The following ITPKB variants were observed in gnomAD, a reference collection of about 807,000 sequenced individuals.
ITPKB encodes the protein inositol-trisphosphate 3-kinase B.
Under a neutral mutation model 69.4 loss-of-function variants are expected in ITPKB, and 13 were observed. The ratio of observed to expected loss-of-function variants is 0.19; its 90% confidence interval spans 0.12 to 0.30. ITPKB has a LOEUF of 0.30. ITPKB is among the 10% of genes least tolerant of loss of function. ITPKB has a pLI of 1.00. For missense variants in ITPKB, 1,240 were observed against 1,250.5 expected (o/e 0.99, Z 0.13); for synonymous variants, 584 against 513.7 (o/e 1.14, Z -1.85).
Position 226,736,556 on chromosome 1 carries a change from CGTTAAG to C in ITPKB, c.897_902del (p.Ser299_Thr301delinsArg). 6.2e-7 allele frequency: 1 copy of C among 1,613,988 alleles called. No individual in the cohort carries two copies. Among genetic ancestry groups the C allele is most frequent in the Non-Finnish European group, 8.5e-7 (1 of 1,180,022 alleles). ...CTCTCGCTGCCACTTCCGTGGCCATCGTTAAGCTAGCTCCGAACAGCCCCAATGAGG... is the reference window on the plus strand; with the variant it reads ...CTCTCGCTGCCACTTCCGTGGCCATCCTAGCTCCGAACAGCCCCAATGAGG... On this transcript the variant is annotated inframe_deletion, in exon 2 of 8. Transcript: ENST00000429204.
At chr1:226,709,754 C>T (rs1656897191) in intron 2 of ITPKB, among the ~76,000 whole-genome samples, 1 of 152,222 alleles carries the variant, frequency 6.6e-6, no homozygotes. Flanking sequence ...ACCTGACCTG[C>T]AATTAGGTTT....
Position 226,639,618 on chromosome 1 carries a change from T to C in ITPKB, c.2492A>G (p.Lys831Arg). 6.2e-7 allele frequency: 1 copy of C among 1,614,084 alleles called. No homozygotes were observed. The highest frequency in any genetic ancestry group is 2.2e-5 in the East Asian group (1 of 44,874). ...GTVNRDFKKT[K>R]TREQVTEAFR... ...GGCCTCGGTGACCTGCTCCCTCGTT[T>C]TGGTCTTCTTGAAGTCCCGGTTCAC... Residue 831 changes from lysine to arginine, a missense_variant, in exon 6 of 8, where the codon AAA becomes AGA. Physicochemically the swap from Lys to Arg is conservative, Grantham distance 26. Coordinates refer to ENST00000429204, the MANE Select transcript of ITPKB (RefSeq NM_002221.4).
intron 2 of ITPKB, among the ~76,000 whole-genome samples, chr1:226,681,809 C>T (rs1243658277): frequency 1.3e-5 from 2 of 152,148 alleles, no homozygotes; most frequent in African/African-American, 4.8e-5. Flanking sequence ...TCCAACTCTC[C>T]AGATGATACC....
chr1:226,634,522 G>C lies in ITPKB; in HGVS notation c.*149C>G. The C allele has an allele frequency of 1.7e-6, 1 of 600,256 alleles. No individual in the cohort carries two copies. 37.2% of individuals were successfully genotyped at this position (600,256 alleles called of 1,614,324 possible). A position where few individuals can be genotyped will look rare whatever the true frequency, so the allele number is the denominator to read the frequency against. ...AGCCCTGAAGTTAGGAAAATGACTA[G>C]AAACTCTCATCTCCTCTTCTACAAA... On this transcript the variant is annotated 3_prime_UTR_variant, in exon 8 of 8. Transcript: ENST00000429204. This position sits in a 1 kb window ranked among gnomAD's most constrained non-coding sequence, Gnocchi z 6.3.
chr1:226,669,913 G>A (rs1202896262), intron 2 of ITPKB, among the ~76,000 whole-genome samples: 8 of 149,256 alleles, frequency 5.4e-5, no homozygotes, highest in African/African-American at 7.4e-5. Flanking sequence ...TCGAACTGTC[G>A]CCCAGGCTGG....
At chr1:226,707,769 T>C (rs1199455904) in intron 2 of ITPKB, 4 of 1,062,246 alleles carry the variant, frequency 3.8e-6, no homozygotes, top group Non-Finnish European at 4.6e-6. Context: ...GTAGGGAAAC[T>C]GCAGCACTTA....
chr1:226,643,528 C>CA (rs1170479287), intron 4 of ITPKB, among the ~76,000 whole-genome samples: 2 of 152,252 alleles, frequency 1.3e-5, no homozygotes, highest in Non-Finnish European at 2.9e-5. Flanking sequence ...ATCTGTCTCC[C>CA]AGGCCTTGTT....
chr1:226,634,458 T>G lies in ITPKB; in HGVS notation c.*213A>C, dbSNP rs1301874741. The G allele has an allele frequency of 7.0e-6, 4 of 571,344 alleles. No homozygotes were observed. Among genetic ancestry groups the G allele is most frequent in the Non-Finnish European group, 1.3e-5 (4 of 318,846 alleles). The allele number at this position is 571,344 out of a possible 1,614,324, so 35.4% of individuals were successfully genotyped here. On this transcript the variant is annotated 3_prime_UTR_variant, in exon 8 of 8. Transcript: ENST00000429204. This position sits in a 1 kb window ranked among gnomAD's most constrained non-coding sequence, Gnocchi z 6.3. The stretch of plus-strand genomic sequence containing the variant: ...GACTGGGCATTTCTCTTCTAGTAGG[T>G]GACCCTCTCTACAAAAAGCAGTGCA...
At chr1:226,735,483 T>G (rs1215345161) in intron 2 of ITPKB, 44 bp downstream of exon 2, 1 of 1,458,136 alleles carries the variant, frequency 6.9e-7, no homozygotes, top group East Asian at 2.5e-5. Context: ...AAAAGTCTGC[T>G]GAAATCAGCA....
rs1359746447 is a variant in ITPKB at position 226,736,366 on chromosome 1, C to T, written c.1093G>A (p.Asp365Asn). 2.5e-6 allele frequency: 4 copies of T among 1,612,254 alleles called. No homozygotes were observed. In the African/African-American group the frequency reaches 5.3e-5, roughly 22 times the overall value. ...SPAPERGGPRDGEPPGKMGKG... is the reference protein window; with the variant it reads ...SPAPERGGPRNGEPPGKMGKG... ...CCCATCTTCCCAGGGGGTTCTCCAT[C>T]GCGGGGCCCGCCCCTTTCTGGGGCT... The change falls in exon 2 of 8, where the codon GAT (aspartate) becomes AAT (asparagine). Residue 365 changes from aspartate to asparagine, a missense_variant. This residue lies in a region of ITPKB where 992 missense variants were observed against 853.8 expected (regional missense o/e 1.16). Transcript: ENST00000429204.
At chr1:226,680,452 A>G (rs1259770859) in intron 2 of ITPKB, among the ~76,000 whole-genome samples, 1 of 152,328 alleles carries the variant, frequency 6.6e-6, no homozygotes, top group South Asian at 2.1e-4. Flanking sequence ...CCAAGAGAGG[A>G]GGCAATGCTG....
At chr1:226,698,694 A>T (rs1457886969) in intron 2 of ITPKB, among the ~76,000 whole-genome samples, 1 of 152,224 alleles carries the variant, frequency 6.6e-6, no homozygotes, top group Non-Finnish European at 1.5e-5. Flanking sequence ...GCAGGAGGTT[A>T]TGGAAAGCAG....
intron 2 of ITPKB, among the ~76,000 whole-genome samples, chr1:226,705,822 A>G (rs1199781778): frequency 1.3e-5 from 2 of 152,212 alleles, no homozygotes; most frequent in African/African-American, 4.8e-5. Context: ...ATCATTTCTT[A>G]GGACTCCCTG....
chr1:226,686,887 G>A (rs1003490384), intron 2 of ITPKB, among the ~76,000 whole-genome samples: 18 of 152,230 alleles, frequency 1.2e-4, no homozygotes, highest in Non-Finnish European at 2.5e-4. Flanking sequence ...GAGCAGAACT[G>A]GAGGTAGAGA....
chr1:226,717,675 G>A (rs1433988578), intron 2 of ITPKB, among the ~76,000 whole-genome samples: 1 of 152,228 alleles, frequency 6.6e-6, no homozygotes, highest in Non-Finnish European at 1.5e-5. Context: ...AGCTCCTGTG[G>A]AGACGGAGCT....
At chr1:226,699,728 AAAAGAAAGAAAG>A (rs915073221) in intron 2 of ITPKB, among the ~76,000 whole-genome samples, 7 of 152,208 alleles carry the variant, frequency 4.6e-5, no homozygotes, top group Admixed American at 2.0e-4. Flanking sequence ...CATTAATTAA[AAAAGAAAGAAAG>A]AAAGAAAGAA....
At chr1:226,726,805 G>T (rs1471838282) in intron 2 of ITPKB, among the ~76,000 whole-genome samples, 1 of 151,936 alleles carries the variant, frequency 6.6e-6, no homozygotes, top group Non-Finnish European at 1.5e-5. Flanking sequence ...GGTTTTTTTA[G>T]TAGTTTGTCA....
At chr1:226,666,215 C>T (rs1669500419) in intron 2 of ITPKB, among the ~76,000 whole-genome samples, 1 of 152,196 alleles carries the variant, frequency 6.6e-6, no homozygotes, top group Non-Finnish European at 1.5e-5. Context: ...CAGAAGGGAG[C>T]ACATGGCACG....
At chr1:226,686,207 G>A (rs1233364763) in intron 2 of ITPKB, among the ~76,000 whole-genome samples, 3 of 152,166 alleles carry the variant, frequency 2.0e-5, no homozygotes, top group Non-Finnish European at 2.9e-5. Flanking sequence ...GATGGGCAGG[G>A]GGCAAATCAC....
Sources: allele counts gnomAD v4.1 joint callset (sites outside exome capture counted in the v4.1 genomes callset), GRCh38; gene constraint gnomAD v4.1.1; regional missense constraint gnomAD v4.1.1; non-coding constraint Gnocchi (gnomAD v3.1); transcripts MANE v1.5; gene names NCBI Gene and HGNC (gene_info 2026-07-23, HGNC 2026-07-21).